Variants in COL2A1 observed in about 807,000 individuals in gnomAD.
The protein encoded by COL2A1 is collagen alpha-1(II) chain.
In COL2A1, 28 loss-of-function variants were observed where a neutral mutation model predicts 204.5. The observed-to-expected ratio is 0.14, with a 90% CI of 0.10 to 0.19. COL2A1 has a LOEUF of 0.19. Among genes scored for constraint, COL2A1 ranks in the 10% least tolerant of loss-of-function variants. The pLI is 1.00. For synonymous variants in COL2A1, 708 were observed against 718.7 expected (o/e 0.99, Z 0.24); for missense variants, 1,388 against 2,027.5 (o/e 0.68, Z 6.06).
At chr12:47,990,812 T>C (rs1939665815) in intron 16 of COL2A1, among the ~76,000 whole-genome samples, 1 of 152,140 alleles carries the variant, frequency 6.6e-6, no homozygotes, top group Admixed American at 6.5e-5. Flanking sequence ...TCTCTCAAGG[T>C]TCCTTAAGGC....
chr12:47,994,008 C>T lies in COL2A1; in HGVS notation c.856G>A (p.Val286Ile), dbSNP rs1939829618. 5 of 1,614,162 alleles carry T rather than the reference C, an allele frequency of 3.1e-6. No individual in the cohort carries two copies. Among genetic ancestry groups the T allele is most frequent in the Middle Eastern group, 3.3e-4 (2 of 6,060 alleles). ...GTGATACTTACTCTGTGACCTTTGA[C>T]ACCAGGAAGGCCTGGGGTTCCTGGG... ...GFPGTPGLPGVKGHRGYPGLD... is the reference protein window; with the variant it reads ...GFPGTPGLPGIKGHRGYPGLD... Residue 286 changes from valine (V) to isoleucine (I), a missense_variant, in exon 13 of 54, where the codon GTC (valine) becomes ATC (isoleucine). Val to Ile is a conservative substitution (Grantham distance 29). Around this residue, in one of 3 missense-constraint regions of COL2A1, gnomAD observed 884 missense variants for 1,415.8 expected, o/e 0.62. Coordinates refer to ENST00000380518, the MANE Select transcript of COL2A1 (RefSeq NM_001844.5).
In COL2A1 at chr12:47,978,178, C is replaced by G; in HGVS notation, c.3004-61G>C. 27 of 1,582,984 alleles carry G rather than the reference C, an allele frequency of 1.7e-5. No individual in the cohort carries two copies. Among genetic ancestry groups the G allele is most frequent in the Non-Finnish European group, 2.3e-5 (27 of 1,158,338 alleles). ...GGTAAGCACCCCTGCCCAGGGCCCACTGACCCTTCAGGGAGAGGGCAGACA... is the reference window on the plus strand; with the variant it reads ...GGTAAGCACCCCTGCCCAGGGCCCAGTGACCCTTCAGGGAGAGGGCAGACA... On this transcript the variant is annotated intron_variant, in intron 43 of 53. Transcript: ENST00000380518. The surrounding 1 kb of genome is among the most constrained non-coding windows in gnomAD (Gnocchi z 5.5).
Position 47,995,116 on chromosome 12 carries a change from G to A in COL2A1, c.762+139C>T, listed in dbSNP as rs1039384024. 71 of 745,180 alleles carry A rather than the reference G, an allele frequency of 9.5e-5. 1 individual carries two copies. The East Asian group carries it at 1.4e-3, about 14-fold the overall frequency. 46.2% of individuals were successfully genotyped at this position (745,180 alleles called of 1,614,324 possible). Reference sequence around the variant, plus strand: ...AGTGGCCATATAGATAGGAGATGGCGTCAGGGTTTGGGACTGCCCAGTCTT... The same window carrying A: ...AGTGGCCATATAGATAGGAGATGGCATCAGGGTTTGGGACTGCCCAGTCTT... On this transcript the variant is annotated intron_variant, in intron 11 of 53. Transcript: ENST00000380518.
chr12:48,000,156 G>A (rs568763772), intron 1 of COL2A1, 31 bp from the exon 2 acceptor site: 2 of 1,536,186 alleles, frequency 1.3e-6, no homozygotes, highest in Non-Finnish European at 1.8e-6. Context: ...GAGAAGCAGA[G>A]AGCCAAGGGA....
At chr12:47,992,238 A>T (rs1195223968) in intron 16 of COL2A1, among the ~76,000 whole-genome samples, 1 of 152,100 alleles carries the variant, frequency 6.6e-6, no homozygotes, top group Admixed American at 6.6e-5. Context: ...AATTTCCCAC[A>T]TTAACTAGAG....
At chr12:47,989,096 G>A (rs1477410588) in intron 18 of COL2A1, 132 bp downstream of exon 18, 2 of 762,662 alleles carry the variant, frequency 2.6e-6, no homozygotes, top group East Asian at 2.7e-5. Flanking sequence ...GGAGGGGCCA[G>A]TGGGTGGGGT....
chr12:47,981,472 G>A, intron 36 of COL2A1, 76 bp from the exon 37 acceptor site: 1 of 1,366,530 alleles, frequency 7.3e-7, no homozygotes. Flanking sequence ...AGTGCATTTG[G>A]GGGGCCTTGC....
rs763699394 is a variant in COL2A1 at position 47,980,677 on chromosome 12, G to C, written c.2518-16C>G. On this transcript the variant is annotated splice_polypyrimidine_tract_variant and intron_variant, in intron 38 of 53. Transcript: ENST00000380518. The surrounding 1 kb of genome is among the most constrained non-coding windows in gnomAD (Gnocchi z 4.5). ...CATCAGCACCCTATAATGGGAAGGA[G>C]GAAGCAGGTGAATGAGGGGCAGGCT... 6.2e-7 allele frequency: 1 copy of C among 1,604,742 alleles called. No homozygotes were observed. The highest frequency in any genetic ancestry group is 8.5e-7 in the Non-Finnish European group (1 of 1,175,208).
At chr12:48,004,175 G>T (rs972965944) in intron 1 of COL2A1, 62 bp downstream of exon 1, 3 of 1,263,074 alleles carry the variant, frequency 2.4e-6, no homozygotes, top group Non-Finnish European at 3.4e-6. Context: ...GCGGGCCGGG[G>T]AGAAGGATGC....
At chr12:48,002,797 G>C (rs1940294397) in intron 1 of COL2A1, 1 of 152,250 alleles carries the variant, frequency 6.6e-6, no homozygotes, top group Non-Finnish European at 1.5e-5. Context: ...CCAGGAGCGC[G>C]CCTCCAGCTT....
chr12:47,996,974 C>A (rs545070957), intron 7 of COL2A1, among the ~76,000 whole-genome samples: 1 of 152,244 alleles, frequency 6.6e-6, no homozygotes, highest in East Asian at 1.9e-4. Flanking sequence ...GTTCTTTATT[C>A]TTTAAGACTT....
intron 16 of COL2A1, among the ~76,000 whole-genome samples, chr12:47,990,297 A>G (rs1939644271): frequency 6.6e-6 from 1 of 152,232 alleles, no homozygotes; most frequent in South Asian, 2.1e-4. Flanking sequence ...GGCGTGAGCC[A>G]CCGCACCTGG....
At position 47,975,520 on chromosome 12, in the gene COL2A1, G is replaced by T; in HGVS notation, c.3683C>A (p.Pro1228Gln). The stretch of plus-strand genomic sequence containing the variant: ...CAGGGGGTCGGGGCCCTTCTCTCTC[G>T]GGCCTAAGCCAGCAAAGGCGGACAT... The part of the protein sequence containing the change: ...IDMSAFAGLG[P>Q]REKGPDPLQY... Residue 1228 changes from proline (P) to glutamine (Q), a missense_variant, in exon 51 of 54, where the codon CCG (proline) becomes CAG (glutamine). Pro to Gln is a moderately conservative substitution (Grantham distance 76). This residue lies in a region of COL2A1 where 303 missense variants were observed against 369.2 expected (regional missense o/e 0.82). Transcript: ENST00000380518. 1 of 1,610,054 alleles carries T rather than the reference G, an allele frequency of 6.2e-7. No individual in the cohort carries two copies.
At chr12:47,989,188 C>G in intron 18 of COL2A1, 40 bp downstream of exon 18, 1 of 1,566,018 alleles carries the variant, frequency 6.4e-7, no homozygotes, top group Non-Finnish European at 8.7e-7. Context: ...GACAGCTTCT[C>G]GGCACCCAGA....
chr12:47,979,082 C>T (rs1938893920), intron 41 of COL2A1, among the ~76,000 whole-genome samples: 1 of 152,052 alleles, frequency 6.6e-6, no homozygotes, highest in Admixed American at 6.5e-5. Context: ...CCCCTCTGAC[C>T]CCTGAGCTTG....
At position 47,983,569 on chromosome 12, in the gene COL2A1, G is replaced by A. The variant is rs540756094; in HGVS notation, c.1995+114C>T. The A allele has an allele frequency of 2.9e-5, 41 of 1,432,570 alleles. No individual in the cohort carries two copies. In the East Asian group the frequency reaches 7.9e-4, roughly 28 times the overall value. 88.7% of individuals were successfully genotyped at this position (1,432,570 alleles called of 1,614,324 possible). A position where few individuals can be genotyped will look rare whatever the true frequency, so the allele number is the denominator to read the frequency against. ...ACAGCCAGGGGTGCAGGGAAGGCTC[G>A]ATGCCTGGCACCCTGCAAGAGGTGT... On this transcript the variant is annotated intron_variant, in intron 30 of 53. Transcript: ENST00000380518.
rs374716296 is a variant in COL2A1 at position 47,974,039 on chromosome 12, T to A, written c.4317+50A>T. The A allele has an allele frequency of 1.9e-5, 30 of 1,613,894 alleles. No individual in the cohort carries two copies. The African/African-American group carries it at 2.7e-4, about 14-fold the overall frequency. ...GCCGCGGGCCAACCCTCAGCCCTGC[T>A]CCAGGCGGTTTGGGCACAGGCAGCT... On this transcript the variant is annotated intron_variant, in intron 53 of 53. Coordinates refer to ENST00000380518, the MANE Select transcript of COL2A1 (RefSeq NM_001844.5).
intron 31 of COL2A1, 123 bp downstream of exon 31, chr12:47,983,262 C>T (rs1939197467): frequency 1.4e-6 from 2 of 1,481,472 alleles, no homozygotes; most frequent in Non-Finnish European, 1.9e-6. Flanking sequence ...GAGGCTGGGA[C>T]ATGGGTCCAG....
Position 47,980,771 on chromosome 12 carries a change from C to A in COL2A1, c.2518-110G>T. 2 of 1,398,326 alleles carry A rather than the reference C, an allele frequency of 1.4e-6. No individual in the cohort carries two copies. The highest frequency in any genetic ancestry group is 2.0e-6 in the Non-Finnish European group (2 of 1,007,166). 86.6% of individuals were successfully genotyped at this position (1,398,326 alleles called of 1,614,324 possible). ...ATCTGCGTGTGTGTCCTGGTCTGGACATGATGGTTCTATTAGTATGGAGGC... is the reference window on the plus strand; with the variant it reads ...ATCTGCGTGTGTGTCCTGGTCTGGAAATGATGGTTCTATTAGTATGGAGGC... On this transcript the variant is annotated intron_variant, in intron 38 of 53. Coordinates refer to ENST00000380518, the MANE Select transcript of COL2A1 (RefSeq NM_001844.5). The surrounding 1 kb of genome is among the most constrained non-coding windows in gnomAD (Gnocchi z 4.5).
Sources: gnomAD v4.1 joint callset for allele counts (sites outside exome capture counted in the v4.1 genomes callset) on GRCh38, gnomAD v4.1.1 for gene constraint, gnomAD v4.1.1 regional missense constraint, Gnocchi (gnomAD v3.1) non-coding constraint, MANE v1.5 for transcripts, NCBI Gene and HGNC (gene_info 2026-07-23, HGNC 2026-07-21) for gene names.